The following LRP1B variants were observed in gnomAD, a reference collection of about 807,000 sequenced individuals.
LRP1B encodes low-density lipoprotein receptor-related protein 1B.
Under a neutral mutation model 556.6 loss-of-function variants are expected in LRP1B, and 217 were observed. The ratio of observed to expected loss-of-function variants is 0.39; its 90% confidence interval spans 0.35 to 0.44. The LOEUF (loss-of-function observed/expected upper bound fraction) is 0.44, where lower values mean the gene tolerates loss of function less well. Among genes scored for constraint, LRP1B ranks in the 20% least tolerant of loss-of-function variants. The probability of loss-of-function intolerance (pLI) is 1.00; values close to 1 mark genes in which losing one functional copy is unlikely to be tolerated. For synonymous variants in LRP1B, 2,047 were observed against 1,865.8 expected (o/e 1.10, Z -2.50); for missense variants, 5,053 against 5,620.8 (o/e 0.90, Z 3.23).
rs778303995 is a variant in LRP1B at position 140,364,701 on chromosome 2, G to A, written c.11091C>T (p.Asp3697=). 2.9e-5 allele frequency: 46 copies of A among 1,610,054 alleles called. 1 individual carries two copies. The highest frequency in any genetic ancestry group is 3.3e-4 in the Middle Eastern group (2 of 6,066). Residue 3697 remains aspartate, a synonymous_variant, in exon 72 of 91, where the codon GAC becomes GAT. Coordinates refer to ENST00000389484, the MANE Select transcript of LRP1B (RefSeq NM_018557.3). Reference sequence around the variant, plus strand: ...CTTCATCAGAGTTGTCTCCACAGTCGTCCTCTCCATCACACACCCAGAAAT... The same window carrying A: ...CTTCATCAGAGTTGTCTCCACAGTCATCCTCTCCATCACACACCCAGAAAT... ...KLHFWVCDGE[D]DCGDNSDEAP...
chr2:141,227,259 G>A (rs748497298), intron 6 of LRP1B, among the ~76,000 whole-genome samples: 3 of 152,026 alleles, frequency 2.0e-5, no homozygotes, highest in African/African-American at 4.8e-5. Context: ...TCTTAAGTAC[G>A]CTCAGAAAAT....
At chr2:141,359,237 T>A (rs1370731760) in intron 3 of LRP1B, among the ~76,000 whole-genome samples, 143 of 60,224 alleles carry the variant, frequency 2.4e-3, no homozygotes, top group Middle Eastern at 8.8e-3. Flanking sequence ...GCAGAAGAAA[T>A]AAAATAATAA....
intron 63 of LRP1B, 102 bp from the exon 64 acceptor site, chr2:140,444,781 C>A (rs1473329526): frequency 2.8e-6 from 2 of 715,592 alleles, no homozygotes; most frequent in African/African-American, 1.8e-5. Context: ...ATAAATATAT[C>A]CTGGAATACA....
At chr2:140,264,942 T>C (rs751303104) in intron 86 of LRP1B, among the ~76,000 whole-genome samples, 1 of 139,880 alleles carries the variant, frequency 7.1e-6, no homozygotes, top group Non-Finnish European at 1.7e-5. Context: ...AGGTGTGGAA[T>C]GGTGCTGTGT....
intron 2 of LRP1B, among the ~76,000 whole-genome samples, chr2:141,723,409 C>T (rs1692913083): frequency 6.6e-6 from 1 of 150,806 alleles, no homozygotes; most frequent in Non-Finnish European, 1.5e-5. Flanking sequence ...TTATAGTTGC[C>T]TCACATGTTG....
intron 1 of LRP1B, among the ~76,000 whole-genome samples, chr2:141,983,356 C>T (rs1437892182): frequency 6.6e-6 from 1 of 152,190 alleles, no homozygotes; most frequent in Non-Finnish European, 1.5e-5. Flanking sequence ...ATCCCCAATA[C>T]ATGATTTAAT....
intron 62 of LRP1B, among the ~76,000 whole-genome samples, chr2:140,451,982 C>T (rs1293252496): frequency 6.6e-6 from 1 of 151,934 alleles, no homozygotes; most frequent in Non-Finnish European, 1.5e-5. Flanking sequence ...ATTTTAACTC[C>T]TCCCTTTAAA....
chr2:140,866,287 A>T (rs1361515837), intron 27 of LRP1B, among the ~76,000 whole-genome samples: 6 of 152,136 alleles, frequency 3.9e-5, no homozygotes, highest in African/African-American at 7.2e-5. Context: ...GAAATTCTAG[A>T]GAAGCGTATT....
chr2:141,258,963 G>T (rs186047720), intron 3 of LRP1B, among the ~76,000 whole-genome samples: 149 of 152,186 alleles, frequency 9.8e-4, no homozygotes, highest in African/African-American at 3.4e-3. Flanking sequence ...TGCAATGTGA[G>T]AATGGACTAA....
chr2:141,366,174 A>G (rs1689028624), intron 3 of LRP1B, among the ~76,000 whole-genome samples: 1 of 152,168 alleles, frequency 6.6e-6, no homozygotes, highest in Non-Finnish European at 1.5e-5. Context: ...GGTCATTTTG[A>G]TGGTCCTCAA....
chr2:141,778,245 A>G (rs1695139670), intron 2 of LRP1B, among the ~76,000 whole-genome samples: 1 of 152,226 alleles, frequency 6.6e-6, no homozygotes, highest in Admixed American at 6.5e-5. Flanking sequence ...ATTCGCCTGC[A>G]TCCATTTTCC....
chr2:141,836,916 A>G (rs1045097993), intron 1 of LRP1B, among the ~76,000 whole-genome samples: 3 of 151,970 alleles, frequency 2.0e-5, no homozygotes, highest in Admixed American at 6.6e-5. Context: ...TAATTGGAAC[A>G]TTTAAGGATA....
intron 3 of LRP1B, among the ~76,000 whole-genome samples, chr2:141,320,887 CA>C (rs1278264357): frequency 6.6e-6 from 1 of 151,984 alleles, no homozygotes; most frequent in African/African-American, 2.4e-5. Context: ...TAAGAAATAA[CA>C]AAGGCTTTAT....
intron 43 of LRP1B, among the ~76,000 whole-genome samples, chr2:140,567,797 A>G (rs182188734): frequency 1.1e-3 from 171 of 152,252 alleles, no homozygotes; most frequent in African/African-American, 3.5e-3. Context: ...CCTTAACAAC[A>G]TATGCTACCT....
chr2:140,809,553 T>A lies in LRP1B; in HGVS notation c.5359+4104A>T, dbSNP rs185669589. Among the ~76,000 whole-genome samples, 4 of 152,316 alleles carry A rather than the reference T, an allele frequency of 2.6e-5. No homozygotes were observed. The East Asian group carries it at 7.7e-4, about 29-fold the overall frequency. On this transcript the variant is annotated intron_variant, in intron 32 of 90. Coordinates refer to ENST00000389484, the MANE Select transcript of LRP1B (RefSeq NM_018557.3). ...ACCCCTGACATACTTTACTCATTCATAACCTGCTTAACTCTATTAAGATTT... is the reference window on the plus strand; with the variant it reads ...ACCCCTGACATACTTTACTCATTCAAAACCTGCTTAACTCTATTAAGATTT...
chr2:140,696,963 C>T (rs1267664682), intron 41 of LRP1B, among the ~76,000 whole-genome samples: 2 of 152,136 alleles, frequency 1.3e-5, no homozygotes, highest in East Asian at 1.9e-4. Flanking sequence ...TTTAGATACA[C>T]TTTCTCATAA....
chr2:141,198,374 C>T (rs1681840382), intron 6 of LRP1B, among the ~76,000 whole-genome samples: 1 of 152,092 alleles, frequency 6.6e-6, no homozygotes, highest in Non-Finnish European at 1.5e-5. Context: ...TTCCTTATTC[C>T]TTTAATGAAA....
At chr2:141,722,286 G>A (rs1465381747) in intron 2 of LRP1B, among the ~76,000 whole-genome samples, 2 of 152,130 alleles carry the variant, frequency 1.3e-5, no homozygotes, top group African/African-American at 4.8e-5. Flanking sequence ...GCTAAGGCAC[G>A]AGAATCGCTT....
At chr2:141,081,151 T>A (rs774798628) in intron 7 of LRP1B, among the ~76,000 whole-genome samples, 1 of 152,262 alleles carries the variant, frequency 6.6e-6, no homozygotes, top group South Asian at 2.1e-4. Flanking sequence ...GCTTTGAATA[T>A]CGTGTTGATG....
Sources: gnomAD v4.1 joint callset for allele counts (sites outside exome capture counted in the v4.1 genomes callset) on GRCh38, gnomAD v4.1.1 for gene constraint, MANE v1.5 for transcripts, NCBI Gene and HGNC (gene_info 2026-07-23, HGNC 2026-07-21) for gene names.